The following ARHGEF10 variants were observed in gnomAD, a reference collection of about 807,000 sequenced individuals.
The protein encoded by ARHGEF10 is Rho guanine nucleotide exchange factor 10, also known as Rho guanine nucleotide exchange factor (GEF) 10.
ARHGEF10 carries 140 observed loss-of-function variants against 147.4 expected under a neutral mutation model. That is an observed-to-expected ratio of 0.95 (90% CI 0.83 to 1.09). The LOEUF is 1.09. ARHGEF10 is among the 50% of genes least tolerant of loss of function. The pLI is 0.00. For synonymous variants in ARHGEF10, 902 were observed against 695.8 expected, an observed-to-expected ratio of 1.30 and a Z score of -4.67; for missense variants, 2,222 against 1,752.7, an observed-to-expected ratio of 1.27 and a Z score of -4.78.
intron 13 of ARHGEF10, 27 bp from the exon 14 acceptor site, chr8:1,896,306 C>T (rs761851409): frequency 8.6e-6 from 13 of 1,511,562 alleles, no homozygotes; most frequent in Non-Finnish European, 1.1e-5. Flanking sequence ...TCTGTGATTT[C>T]TCTCTGAATT....
intron 4 of ARHGEF10, among the ~76,000 whole-genome samples, chr8:1,862,818 G>A (rs1333516344): frequency 2.2e-5 from 3 of 133,528 alleles, no homozygotes; most frequent in South Asian, 2.3e-4. Context: ...TCGCTCTGTC[G>A]CTCAGGCTGG....
At chr8:1,901,216 C>G (rs1300325446) in intron 15 of ARHGEF10, among the ~76,000 whole-genome samples, 2 of 152,048 alleles carry the variant, frequency 1.3e-5, no homozygotes, top group Admixed American at 1.3e-4. Flanking sequence ...CACATACCCT[C>G]CCTCCTGCCT....
chr8:1,845,050 G>T (rs1208386096), intron 2 of ARHGEF10, among the ~76,000 whole-genome samples: 1 of 152,166 alleles, frequency 6.6e-6, no homozygotes, highest in Non-Finnish European at 1.5e-5. Flanking sequence ...GGGGTGGGAG[G>T]TTCACTTGAG....
intron 1 of ARHGEF10, chr8:1,826,028 C>T: frequency 2.4e-6 from 3 of 1,252,236 alleles, no homozygotes; most frequent in Non-Finnish European, 3.4e-6. Flanking sequence ...CACACTTTGT[C>T]CCTGTCTGTC....
intron 2 of ARHGEF10, among the ~76,000 whole-genome samples, chr8:1,851,489 T>C (rs1290844314): frequency 7.2e-6 from 1 of 139,022 alleles, no homozygotes; most frequent in African/African-American, 2.7e-5. Context: ...TGTTCCACTC[T>C]GGCAAAGGAT....
intron 11 of ARHGEF10, among the ~76,000 whole-genome samples, chr8:1,890,447 CAGTG>C (rs1305452885): frequency 7.2e-6 from 1 of 139,234 alleles, no homozygotes; most frequent in Non-Finnish European, 1.5e-5. Flanking sequence ...TGTGAGGAGA[CAGTG>C]AGTGGGGTGA....
chr8:1,902,450 C>G (rs772996516), intron 15 of ARHGEF10, among the ~76,000 whole-genome samples: 1 of 152,150 alleles, frequency 6.6e-6, no homozygotes, highest in Non-Finnish European at 1.5e-5. Context: ...TCCCTTTGAC[C>G]TCCTCGTGCT....
chr8:1,901,060 T>C (rs566081529), intron 15 of ARHGEF10, among the ~76,000 whole-genome samples: 5 of 152,270 alleles, frequency 3.3e-5, no homozygotes, highest in African/African-American at 4.8e-5. Flanking sequence ...CCACGTACTT[T>C]GGAAGAGGCA....
chr8:1,903,534 C>A, intron 16 of ARHGEF10, 83 bp downstream of exon 16: 1 of 1,553,016 alleles, frequency 6.4e-7, no homozygotes, highest in Non-Finnish European at 8.8e-7. Flanking sequence ...CAATACTAAT[C>A]TTTTGGATCG....
At chr8:1,854,916 A>G (rs1384296617) in intron 2 of ARHGEF10, among the ~76,000 whole-genome samples, 1 of 152,022 alleles carries the variant, frequency 6.6e-6, no homozygotes, top group Non-Finnish European at 1.5e-5. Context: ...TACCTGGCAC[A>G]CGGGACATGC....
At chr8:1,839,001 G>T (rs1047014369) in intron 1 of ARHGEF10, among the ~76,000 whole-genome samples, 5 of 152,028 alleles carry the variant, frequency 3.3e-5, no homozygotes, top group Non-Finnish European at 7.4e-5. Context: ...GCCATCTGGC[G>T]TGGATGCCGT....
At chr8:1,901,335 G>A (rs182308729) in intron 15 of ARHGEF10, among the ~76,000 whole-genome samples, 13 of 152,206 alleles carry the variant, frequency 8.5e-5, no homozygotes, top group East Asian at 5.8e-4. Flanking sequence ...TCTGCTCTCC[G>A]GTCTTGCCTG....
At position 1,873,514 on chromosome 8, in the gene ARHGEF10, A is replaced by G. The variant is rs1807334195; in HGVS notation, c.680-3057A>G. On this transcript the variant is annotated intron_variant, in intron 7 of 28. Coordinates refer to ENST00000349830, the MANE Select transcript of ARHGEF10 (RefSeq NM_014629.4). ...TAGTGCACCCGCATTTCCTCGTTTG[A>G]GAGGCGCCCGCGGGGTAGTGCACCC... Among the ~76,000 whole-genome samples, 2 of 50,720 alleles carry G rather than the reference A, an allele frequency of 3.9e-5. 1 individual carries two copies. Among genetic ancestry groups the G allele is most frequent in the Non-Finnish European group, 6.9e-5 (2 of 28,894 alleles). 33.3% of individuals were successfully genotyped at this position (50,720 alleles called of 152,430 possible). A position where few individuals can be genotyped will look rare whatever the true frequency, so the allele number is the denominator to read the frequency against.
intron 11 of ARHGEF10, among the ~76,000 whole-genome samples, chr8:1,888,927 T>G (rs1309517517): frequency 2.5e-5 from 2 of 80,416 alleles, no homozygotes; most frequent in Non-Finnish European, 4.9e-5. Flanking sequence ...GACAGTGGGG[T>G]GAGGGGTCTG....
chr8:1,841,703 T>G (rs1804045310), intron 1 of ARHGEF10, among the ~76,000 whole-genome samples: 1 of 151,958 alleles, frequency 6.6e-6, no homozygotes, highest in Non-Finnish European at 1.5e-5. Context: ...TTCTCAGCAG[T>G]CGTGTTAACA....
At chr8:1,905,462 C>T (rs1467480028) in intron 16 of ARHGEF10, 109 bp from the exon 17 acceptor site, 12 of 1,345,292 alleles carry the variant, frequency 8.9e-6, no homozygotes, top group South Asian at 4.7e-5. Context: ...TTCCGTAAAG[C>T]GCTCAGTTTG....
At position 1,948,155 on chromosome 8, in the gene ARHGEF10, A is replaced by G. The variant is rs2129280868; in HGVS notation, c.3397+2500A>G. ...GCCCACCACAAGCCTCTCACTTGGC[A>G]GCAGATGCATGGGGCTCTGCAGAGC... On this transcript the variant is annotated intron_variant, in intron 27 of 28. Coordinates refer to ENST00000349830, the MANE Select transcript of ARHGEF10 (RefSeq NM_014629.4). This position sits in a 1 kb window ranked among gnomAD's most constrained non-coding sequence, Gnocchi z 4.9. 6.6e-6 allele frequency among the ~76,000 whole-genome samples: 1 copy of G among 152,222 alleles called. No homozygotes were observed. The highest frequency in any genetic ancestry group is 2.4e-5 in the African/African-American group (1 of 41,550).
intron 27 of ARHGEF10, 127 bp downstream of exon 27, chr8:1,945,782 A>C (rs1814529629): frequency 7.1e-7 from 1 of 1,402,766 alleles, no homozygotes; most frequent in African/African-American, 1.4e-5. Context: ...GCTGCCAGGT[A>C]ATGGGGTGGG....
At chr8:1,951,599 C>G (rs1815054914) in intron 27 of ARHGEF10, among the ~76,000 whole-genome samples, 1 of 152,134 alleles carries the variant, frequency 6.6e-6, no homozygotes. Context: ...CAGAGATGAA[C>G]TTTGGGTCAA....
Sources: gnomAD v4.1 joint callset for allele counts (sites outside exome capture counted in the v4.1 genomes callset) on GRCh38, gnomAD v4.1.1 for gene constraint, Gnocchi (gnomAD v3.1) non-coding constraint, MANE v1.5 for transcripts, NCBI Gene and HGNC (gene_info 2026-07-23, HGNC 2026-07-21) for gene names.